STARD13: variants seen among roughly 807,000 people sequenced by gnomAD.
The protein encoded by STARD13 is stAR-related lipid transfer protein 13.
A neutral mutation model predicts 106.4 loss-of-function variants in STARD13; 62 were observed. The observed-to-expected ratio is 0.58, with a 90% CI of 0.48 to 0.72. The LOEUF (loss-of-function observed/expected upper bound fraction) is 0.72, where lower values mean the gene tolerates loss of function less well. Among genes scored for constraint, STARD13 ranks in the 30% least tolerant of loss-of-function variants. The pLI is 0.00. For synonymous variants in STARD13, 565 were observed against 553.0 expected (o/e 1.02, Z -0.31); for missense variants, 1,387 against 1,424.0 (o/e 0.97, Z 0.42).
chr13:33,230,407 G>C (rs544719074), intron 1 of STARD13, among the ~76,000 whole-genome samples: 1 of 152,238 alleles, frequency 6.6e-6, no homozygotes, highest in East Asian at 1.9e-4. Flanking sequence ...TGGCACCCTG[G>C]GTTTCCTGGA....
At chr13:33,263,560 T>C (rs1007900657) in intron 1 of STARD13, among the ~76,000 whole-genome samples, 3 of 152,204 alleles carry the variant, frequency 2.0e-5, no homozygotes, top group African/African-American at 7.2e-5. Flanking sequence ...TATGTTCTTC[T>C]TTCCTGTTTC....
At chr13:33,445,462 A>C in the STARD13 span, among the ~76,000 whole-genome samples, 2 of 152,214 alleles carry the variant, frequency 1.3e-5, no homozygotes, top group African/African-American at 4.8e-5. Context: ...TTAGACAAGT[A>C]TATGGGATAT....
rs547683057 is a variant in STARD13, at chr13:33,165,266, G to A, written c.323+71C>T. 1.3e-3 allele frequency: 1,480 copies of A among 1,156,178 alleles called. 1 individual carries two copies. The highest frequency in any genetic ancestry group is 1.6e-3 in the Non-Finnish European group (1,241 of 765,186). 71.6% of individuals were successfully genotyped at this position (1,156,178 alleles called of 1,614,324 possible). A position where few individuals can be genotyped will look rare whatever the true frequency, so the allele number is the denominator to read the frequency against. The stretch of plus-strand genomic sequence containing the variant: ...GAATACTTGCCGAATAGCTGAGCTC[G>A]CCCTTCAGTATAGTGATGCCTGTTG... On this transcript the variant is annotated intron_variant, in intron 3 of 13. Transcript: ENST00000336934.
the STARD13 span, among the ~76,000 whole-genome samples, chr13:33,441,800 C>T: frequency 6.6e-6 from 1 of 152,164 alleles, no homozygotes; most frequent in East Asian, 1.9e-4. Flanking sequence ...CGCCTGTGCT[C>T]ATACTTGCCC....
chr13:33,633,491 A>T, the STARD13 span, among the ~76,000 whole-genome samples: 1 of 152,262 alleles, frequency 6.6e-6, no homozygotes, highest in Non-Finnish European at 1.5e-5. Context: ...AAAGTGGAAG[A>T]AAACGCACAT....
intron 1 of STARD13, among the ~76,000 whole-genome samples, chr13:33,261,798 TCA>T (rs1293574783): frequency 6.6e-6 from 1 of 152,168 alleles, no homozygotes; most frequent in Non-Finnish European, 1.5e-5. Context: ...GATTAAAATG[TCA>T]CAGGAAATTT....
intron 1 of STARD13, among the ~76,000 whole-genome samples, chr13:33,177,648 G>A (rs76996212): frequency 0.025 from 3,810 of 151,362 alleles, 68 homozygotes; most frequent in Non-Finnish European, 0.041. Context: ...TCAAATAAAT[G>A]ATTTCAATTT....
At chr13:33,438,740 A>G in the STARD13 span, among the ~76,000 whole-genome samples, 1 of 152,208 alleles carries the variant, frequency 6.6e-6, no homozygotes, top group Non-Finnish European at 1.5e-5. Context: ...CAGAGATCCA[A>G]TGCTCATCCT....
At chr13:33,106,997 G>C (rs1227027295) in intron 12 of STARD13, 63 bp from the exon 13 acceptor site, 1 of 1,483,996 alleles carries the variant, frequency 6.7e-7, no homozygotes, top group Non-Finnish European at 9.2e-7. Flanking sequence ...CCTGAACACA[G>C]AGCTAAGGTT....
the STARD13 span, among the ~76,000 whole-genome samples, chr13:33,514,060 C>T: frequency 6.6e-6 from 1 of 152,122 alleles, no homozygotes; most frequent in Non-Finnish European, 1.5e-5. Context: ...ACTAAGTTAA[C>T]CCATTGATAT....
chr13:33,190,588 C>CTTTTTT (rs71196510), intron 1 of STARD13, among the ~76,000 whole-genome samples: 2 of 131,204 alleles, frequency 1.5e-5, no homozygotes, highest in Admixed American at 7.7e-5. Context: ...CTTTTCTTTT[C>CTTTTTT]TTTTTTTTTT....
intron 1 of STARD13, among the ~76,000 whole-genome samples, chr13:33,295,654 A>G (rs1354556435): frequency 6.6e-6 from 1 of 152,132 alleles, no homozygotes; most frequent in Non-Finnish European, 1.5e-5. Flanking sequence ...GACAGTTACA[A>G]TTATAGGACT....
the STARD13 span, among the ~76,000 whole-genome samples, chr13:33,550,372 T>G: frequency 6.6e-6 from 1 of 152,358 alleles, no homozygotes; most frequent in Non-Finnish European, 1.5e-5. Context: ...GCGTGCTGCA[T>G]TAGCACATCC....
Position 33,178,010 on chromosome 13 carries a change from GA to G in STARD13, c.170-10389del, listed in dbSNP as rs1369756473. Among the ~76,000 whole-genome samples, 16 of 35,752 alleles carry G rather than the reference GA, an allele frequency of 4.5e-4. 2 individuals are homozygous for G. Among genetic ancestry groups the G allele is most frequent in the South Asian group, 2.2e-3 (2 of 918 alleles). 23.5% of individuals were successfully genotyped at this position (35,752 alleles called of 152,430 possible). ...GAAAGGAAGGAAGGAAGGAAGGAAG[GA>G]AAGGAAGGAAGGAAGGAAGGAAGGA... is the stretch of plus-strand genomic sequence containing the variant. On this transcript the variant is annotated intron_variant, in intron 1 of 13. Coordinates refer to ENST00000336934, the MANE Select transcript of STARD13 (RefSeq NM_178006.4).
the STARD13 span, among the ~76,000 whole-genome samples, chr13:33,663,233 G>A: frequency 1.3e-4 from 20 of 152,066 alleles, no homozygotes; most frequent in South Asian, 4.2e-4. Context: ...TTACAGGCAT[G>A]AGCCACCATG....
At chr13:33,350,750 G>GCC (rs1254930374), upstream of STARD13, 2 of 778,300 alleles carry the variant, frequency 2.6e-6, no homozygotes, top group Non-Finnish European at 3.0e-6. Context: ...GCTGCCTCGC[G>GCC]CCCCACTCCT....
the STARD13 span, among the ~76,000 whole-genome samples, chr13:33,378,971 G>A: frequency 6.6e-6 from 1 of 152,132 alleles, no homozygotes; most frequent in East Asian, 1.9e-4. Context: ...TTAGCCAGGT[G>A]TGATGGCATT....
chr13:33,542,910 T>C, the STARD13 span, among the ~76,000 whole-genome samples: 1 of 152,294 alleles, frequency 6.6e-6, no homozygotes, highest in Admixed American at 6.5e-5. Flanking sequence ...CCGTGGCCCC[T>C]GCTTTCCTTT....
At chr13:33,360,530 T>C in the STARD13 span, among the ~76,000 whole-genome samples, 1 of 151,562 alleles carries the variant, frequency 6.6e-6, no homozygotes, top group Non-Finnish European at 1.5e-5. Flanking sequence ...AAATTTTAAG[T>C]GTCTTCCTGT....
Sources: allele counts gnomAD v4.1 joint callset (sites outside exome capture counted in the v4.1 genomes callset), GRCh38; gene constraint gnomAD v4.1.1; transcripts MANE v1.5; gene names NCBI Gene and HGNC (gene_info 2026-07-23, HGNC 2026-07-21).